Variants in SPOCK1 observed in about 807,000 individuals in gnomAD.
SPOCK1 encodes testican-1.
SPOCK1 carries 23 observed loss-of-function variants against 55.3 expected under a neutral mutation model. The ratio of observed to expected loss-of-function variants is 0.42; its 90% CI spans 0.30 to 0.59. The LOEUF is 0.59. SPOCK1 is among the 20% of genes least tolerant of loss of function. SPOCK1 has a pLI of 0.22. For synonymous variants in SPOCK1, 226 were observed against 221.0 expected (o/e 1.02, Z -0.20); for missense variants, 499 against 552.5 (o/e 0.90, Z 0.97).
At chr5:137,455,305 G>A (rs935066603) in intron 2 of SPOCK1, among the ~76,000 whole-genome samples, 3 of 152,182 alleles carry the variant, frequency 2.0e-5, no homozygotes, top group Admixed American at 2.0e-4. Context: ...GGAGGGACTT[G>A]CCCGGAGTCC....
At chr5:137,312,765 A>G (rs1230015893) in intron 2 of SPOCK1, among the ~76,000 whole-genome samples, 1 of 152,202 alleles carries the variant, frequency 6.6e-6, no homozygotes, top group East Asian at 1.9e-4. Flanking sequence ...GGTTCTGAAA[A>G]GAGATGCTCT....
At chr5:137,201,652 C>T (rs2127076424) in intron 3 of SPOCK1, among the ~76,000 whole-genome samples, 1 of 152,292 alleles carries the variant, frequency 6.6e-6, no homozygotes, top group African/African-American at 2.4e-5. Flanking sequence ...CATGTGCATA[C>T]TTCATTTGAA....
chr5:137,072,540 T>C (rs1047993173), intron 5 of SPOCK1, among the ~76,000 whole-genome samples: 1 of 152,152 alleles, frequency 6.6e-6, no homozygotes, highest in Non-Finnish European at 1.5e-5. Context: ...CAACCAATCT[T>C]TCCTTCCATT....
chr5:137,042,878 C>T (rs1032738315), intron 6 of SPOCK1, among the ~76,000 whole-genome samples: 6 of 152,084 alleles, frequency 3.9e-5, no homozygotes, highest in African/African-American at 1.4e-4. Flanking sequence ...TGCACACACA[C>T]ATATGGATTA....
intron 3 of SPOCK1, among the ~76,000 whole-genome samples, chr5:137,255,847 AG>A (rs1229412407): frequency 6.6e-6 from 1 of 152,214 alleles, no homozygotes; most frequent in East Asian, 1.9e-4. Context: ...TCACCTAATT[AG>A]GGATTGTCTT....
In SPOCK1 at chr5:137,067,900, C is replaced by G. The variant is rs1039587867; in HGVS notation, c.475-71G>C. On this transcript the variant is annotated intron_variant, in intron 5 of 10. Transcript: ENST00000394945. ...GACCCCTACCCCGCCTCCTAAGAAA[C>G]AGCAGTGCCCTTTGCTTCACAAAAG... is the stretch of plus-strand genomic sequence containing the variant. The G allele has an allele frequency of 4.8e-6, 6 of 1,260,594 alleles. No individual in the cohort carries two copies. The African/African-American group carries it at 8.8e-5, about 19-fold the overall frequency. 78.1% of individuals were successfully genotyped at this position (1,260,594 alleles called of 1,614,324 possible). A position where few individuals can be genotyped will look rare whatever the true frequency, so the allele number is the denominator to read the frequency against.
intron 5 of SPOCK1, among the ~76,000 whole-genome samples, chr5:137,098,547 G>T (rs1220727968): frequency 5.3e-5 from 8 of 152,186 alleles, no homozygotes. Context: ...TGGACTAAAG[G>T]TCTGAGCATG....
chr5:137,301,052 A>G (rs986957050), intron 2 of SPOCK1, among the ~76,000 whole-genome samples: 1 of 152,222 alleles, frequency 6.6e-6, no homozygotes, highest in Non-Finnish European at 1.5e-5. Flanking sequence ...ACAGGGAAGA[A>G]ACAGAGACAT....
At chr5:137,165,244 G>A (rs1226338669) in intron 3 of SPOCK1, among the ~76,000 whole-genome samples, 1 of 152,324 alleles carries the variant, frequency 6.6e-6, no homozygotes, top group African/African-American at 2.4e-5. Flanking sequence ...GTTTGTTTGG[G>A]AGAAAGCAAG....
intron 5 of SPOCK1, among the ~76,000 whole-genome samples, chr5:137,073,529 G>A (rs116698539): frequency 0.016 from 2,425 of 152,332 alleles, 63 homozygotes; most frequent in African/African-American, 0.055. Context: ...TGGTTGGCCT[G>A]TGTGTGACCC....
intron 3 of SPOCK1, among the ~76,000 whole-genome samples, chr5:137,173,536 A>T: frequency 6.6e-6 from 1 of 152,224 alleles, no homozygotes; most frequent in East Asian, 1.9e-4. Flanking sequence ...TAGGGTACCA[A>T]AAATATTTTT....
Position 137,498,407 on chromosome 5 carries a change from T to C in SPOCK1, c.152A>G (p.Tyr51Cys), listed in dbSNP as rs1217384330. 2 of 1,607,106 alleles carry C rather than the reference T, an allele frequency of 1.2e-6. No individual in the cohort carries two copies. Among genetic ancestry groups the C allele is most frequent in the Admixed American group, 1.7e-5 (1 of 59,458 alleles). ...GCGGTTCCAGTACTTGTCCCGGTCG[T>C]ACTGGGAGACGGTGCTCAGCCACTG... ...NDQWLSTVSQ[Y>C]DRDKYWNRFR... is the part of the protein sequence containing the mutation. Residue 51 changes from tyrosine (Y) to cysteine (C), a missense_variant, in exon 2 of 11, where the codon TAC becomes TGC. Physicochemically the swap from Tyr to Cys is radical, Grantham distance 194. Transcript: ENST00000394945.
At position 137,227,747 on chromosome 5, in the gene SPOCK1, G is replaced by A. The variant is rs146622247; in HGVS notation, c.232+39263C>T. On this transcript the variant is annotated intron_variant, in intron 3 of 10. Transcript: ENST00000394945. ...CAAACAAAGATGAGGGCAAGTTATC[G>A]TAGGAGCAAAGGGAACAGCCAACAG... 6.9e-3 allele frequency among the ~76,000 whole-genome samples: 1,045 copies of A among 152,294 alleles called. 11 individuals carry two copies. Among genetic ancestry groups the A allele is most frequent in the African/African-American group, 0.023 (959 of 41,554 alleles).
At chr5:137,193,483 G>T (rs532633377) in intron 3 of SPOCK1, among the ~76,000 whole-genome samples, 51 of 152,264 alleles carry the variant, frequency 3.3e-4, no homozygotes, top group African/African-American at 1.2e-3. Flanking sequence ...ACATTCCAGG[G>T]ATAGATCAGA....
chr5:137,191,115 G>C, intron 3 of SPOCK1, among the ~76,000 whole-genome samples: 1 of 152,158 alleles, frequency 6.6e-6, no homozygotes, highest in East Asian at 1.9e-4. Context: ...AAGCTACAGA[G>C]GGCCAGAAAC....
chr5:137,384,178 T>A (rs1281662021), intron 2 of SPOCK1, among the ~76,000 whole-genome samples: 1 of 152,214 alleles, frequency 6.6e-6, no homozygotes, highest in African/African-American at 2.4e-5. Context: ...CACCTGGGCC[T>A]CTGTATACAG....
At chr5:137,349,410 C>A (rs1750628780) in intron 2 of SPOCK1, among the ~76,000 whole-genome samples, 1 of 152,198 alleles carries the variant, frequency 6.6e-6, no homozygotes, top group Non-Finnish European at 1.5e-5. Context: ...AGGTTTCCAG[C>A]TTGATCAAGT....
chr5:137,095,665 C>T (rs1450837477), intron 5 of SPOCK1, among the ~76,000 whole-genome samples: 2 of 152,216 alleles, frequency 1.3e-5, no homozygotes, highest in East Asian at 3.9e-4. Context: ...GCTCCTATGA[C>T]AGCCAGGCTG....
chr5:137,448,768 G>A (rs1753185785), intron 2 of SPOCK1, among the ~76,000 whole-genome samples: 1 of 152,190 alleles, frequency 6.6e-6, no homozygotes, highest in South Asian at 2.1e-4. Context: ...GTTCTCCGTT[G>A]TTTCATCTTT....
Sources: allele counts gnomAD v4.1 joint callset (sites outside exome capture counted in the v4.1 genomes callset), GRCh38; gene constraint gnomAD v4.1.1; transcripts MANE v1.5; gene names NCBI Gene and HGNC (gene_info 2026-07-23, HGNC 2026-07-21).